Variants in MYO1D observed in about 807,000 individuals in gnomAD.
MYO1D encodes the protein unconventional myosin-Id.
A neutral mutation model predicts 122.0 loss-of-function variants in MYO1D; 83 were observed. The ratio of observed to expected loss-of-function variants is 0.68; its 90% CI spans 0.57 to 0.82. MYO1D has a LOEUF of 0.82. Among genes scored for constraint, MYO1D ranks in the 40% least tolerant of loss-of-function variants. The pLI, the probability that MYO1D is intolerant of heterozygous loss-of-function variation, is 0.00. For missense variants in MYO1D, 1,157 were observed against 1,269.5 expected (o/e 0.91, Z 1.35); for synonymous variants, 464 against 446.9 (o/e 1.04, Z -0.48).
chr17:32,810,081 T>G (rs922146994), intron 1 of MYO1D, among the ~76,000 whole-genome samples: 1 of 152,020 alleles, frequency 6.6e-6, no homozygotes, highest in Admixed American at 6.5e-5. Context: ...GCCAGGAGAA[T>G]GATGTGGCTG....
chr17:32,633,314 G>C (rs1485608804), intron 20 of MYO1D, among the ~76,000 whole-genome samples: 2 of 152,022 alleles, frequency 1.3e-5, no homozygotes, highest in Admixed American at 6.6e-5. Flanking sequence ...AACTGATCTT[G>C]GAAGAAATGA....
intron 13 of MYO1D, among the ~76,000 whole-genome samples, chr17:32,742,724 CCT>C (rs2089786695): frequency 6.6e-6 from 1 of 152,204 alleles, no homozygotes; most frequent in Admixed American, 6.5e-5. Flanking sequence ...TTCCAAGGAT[CCT>C]CTCTCACATT....
intron 8 of MYO1D, among the ~76,000 whole-genome samples, chr17:32,762,957 AGG>A (rs1169908747): frequency 1.3e-5 from 2 of 151,312 alleles, no homozygotes; most frequent in Non-Finnish European, 2.9e-5. Flanking sequence ...GAGGCCGAGG[AGG>A]GTGGATCACA....
At chr17:32,708,975 T>C (rs1346868545) in intron 16 of MYO1D, among the ~76,000 whole-genome samples, 1 of 152,214 alleles carries the variant, frequency 6.6e-6, no homozygotes, top group African/African-American at 2.4e-5. Context: ...AGAAGCCTAG[T>C]GGCTGCAGCC....
chr17:32,822,475 G>A (rs1299131682), intron 1 of MYO1D, among the ~76,000 whole-genome samples: 3 of 149,082 alleles, frequency 2.0e-5, no homozygotes, highest in African/African-American at 4.9e-5. Flanking sequence ...GTGGTGGGGG[G>A]CGGGGGGCGC....
At chr17:32,808,801 T>A (rs1035592805) in intron 1 of MYO1D, among the ~76,000 whole-genome samples, 2 of 152,172 alleles carry the variant, frequency 1.3e-5, no homozygotes, top group African/African-American at 2.4e-5. Context: ...AAAACTCAAC[T>A]ATGTCAGCAC....
At chr17:32,540,525 C>G (rs564461124) in intron 21 of MYO1D, among the ~76,000 whole-genome samples, 19 of 151,956 alleles carry the variant, frequency 1.3e-4, no homozygotes, top group African/African-American at 4.6e-4. Context: ...ATACAAATAG[C>G]CAATAAGCAC....
intron 8 of MYO1D, among the ~76,000 whole-genome samples, chr17:32,761,279 T>C (rs1299430592): frequency 6.6e-6 from 1 of 152,090 alleles, no homozygotes; most frequent in Non-Finnish European, 1.5e-5. Context: ...CCATATCCAT[T>C]ACCTCCCCTT....
intron 20 of MYO1D, among the ~76,000 whole-genome samples, chr17:32,610,384 G>A (rs1181353595): frequency 1.3e-5 from 2 of 152,172 alleles, no homozygotes; most frequent in African/African-American, 2.4e-5. Flanking sequence ...TACTTAAGTT[G>A]CTCTGCTACA....
At chr17:32,612,811 C>T (rs8079214) in intron 20 of MYO1D, among the ~76,000 whole-genome samples, 46,535 of 151,526 alleles carry the variant, frequency 0.31, 7,343 homozygotes, top group South Asian at 0.36. Flanking sequence ...CTGTCTTGCC[C>T]AGGCTGGAGT....
intron 16 of MYO1D, among the ~76,000 whole-genome samples, chr17:32,659,979 A>T (rs905470274): frequency 6.6e-6 from 1 of 152,220 alleles, no homozygotes; most frequent in African/African-American, 2.4e-5. Flanking sequence ...AGCATGGTAA[A>T]GTCAGAGATA....
intron 1 of MYO1D, among the ~76,000 whole-genome samples, chr17:32,786,234 A>G (rs1480855845): frequency 6.6e-6 from 1 of 152,176 alleles, no homozygotes; most frequent in African/African-American, 2.4e-5. Flanking sequence ...GTGAGGTTAA[A>G]TGAAGAAGTA....
chr17:32,553,086 AAAAACAAAAAAC>A (rs2087033660), intron 21 of MYO1D, among the ~76,000 whole-genome samples: 2 of 134,334 alleles, frequency 1.5e-5, no homozygotes, highest in Admixed American at 1.5e-4. Context: ...ACAAAAAAAA[AAAAACAAAAAAC>A]AAAACAAAAA....
intron 19 of MYO1D, among the ~76,000 whole-genome samples, chr17:32,649,662 C>A (rs191777089): frequency 2.0e-5 from 3 of 151,568 alleles, no homozygotes; most frequent in African/African-American, 4.9e-5. Context: ...ACCTCCACCC[C>A]CCGGGTTCAA....
At chr17:32,874,288 T>G (rs369077569) in intron 1 of MYO1D, among the ~76,000 whole-genome samples, 2 of 62,220 alleles carry the variant, frequency 3.2e-5, no homozygotes, top group African/African-American at 9.9e-5. Flanking sequence ...TCCTTCCTCT[T>G]TATCTGTCTC....
chr17:32,538,240 T>C (rs1399637893), intron 21 of MYO1D, among the ~76,000 whole-genome samples: 1 of 151,410 alleles, frequency 6.6e-6, no homozygotes, highest in African/African-American at 2.4e-5. Flanking sequence ...CGAGTAAAAA[T>C]TGGGAGGGAG....
At chr17:32,659,448 GT>G (rs1567934792) in intron 16 of MYO1D, 110 bp from the exon 17 acceptor site, 17 of 1,116,384 alleles carry the variant, frequency 1.5e-5, no homozygotes, top group Non-Finnish European at 2.6e-6. Flanking sequence ...CAACTTGCAA[GT>G]GTGCACAAAA....
intron 12 of MYO1D, among the ~76,000 whole-genome samples, chr17:32,748,479 T>C (rs2089863332): frequency 6.6e-6 from 1 of 152,116 alleles, no homozygotes; most frequent in Non-Finnish European, 1.5e-5. Flanking sequence ...TCTCAGTGGG[T>C]TAATTATTCC....
At chr17:32,756,900 C>T (rs2089952366) in intron 10 of MYO1D, among the ~76,000 whole-genome samples, 2 of 152,262 alleles carry the variant, frequency 1.3e-5, no homozygotes, top group South Asian at 4.1e-4. Context: ...TTTATTCTGA[C>T]AGCCTGCAAT....
Sources: gnomAD v4.1 joint callset for allele counts (sites outside exome capture counted in the v4.1 genomes callset) on GRCh38, gnomAD v4.1.1 for gene constraint, MANE v1.5 for transcripts, NCBI Gene and HGNC (gene_info 2026-07-23, HGNC 2026-07-21) for gene names.